The following LMO7 variants were observed in gnomAD, a reference collection of about 807,000 sequenced individuals.
The protein encoded by LMO7 is LIM domain 7.
A neutral mutation model predicts 206.5 loss-of-function variants in LMO7; 120 were observed. The ratio of observed to expected loss-of-function variants is 0.58; its 90% CI spans 0.50 to 0.68. LMO7 has a LOEUF of 0.68. Ranked by LOEUF, LMO7 falls within the 30% of genes least tolerant of loss-of-function variation. The pLI, the probability that LMO7 is intolerant of heterozygous loss-of-function variation, is 0.00. For missense variants in LMO7, 1,959 were observed against 1,957.9 expected (o/e 1.00, Z -0.01); for synonymous variants, 706 against 681.5 (o/e 1.04, Z -0.56).
At chr13:75,708,165 C>T (rs2042799445) in intron 1 of LMO7, among the ~76,000 whole-genome samples, 1 of 152,180 alleles carries the variant, frequency 6.6e-6, no homozygotes, top group South Asian at 2.1e-4. Flanking sequence ...ATTTCAGCCA[C>T]TACAAACTAA....
At chr13:75,774,135 C>A (rs937684778) in intron 4 of LMO7, among the ~76,000 whole-genome samples, 1 of 152,006 alleles carries the variant, frequency 6.6e-6, no homozygotes, top group African/African-American at 2.4e-5. Context: ...ATTTTGTTTA[C>A]AGCTTGAGTT....
chr13:75,745,832 A>G (rs2139298498), intron 3 of LMO7, among the ~76,000 whole-genome samples: 1 of 152,276 alleles, frequency 6.6e-6, no homozygotes, highest in Non-Finnish European at 1.5e-5. Context: ...CCAGACAGGA[A>G]CTCACATCAT....
chr13:75,816,027 G>T (rs2056949973), intron 11 of LMO7, among the ~76,000 whole-genome samples: 1 of 152,174 alleles, frequency 6.6e-6, no homozygotes, highest in Non-Finnish European at 1.5e-5. Flanking sequence ...GGCAATTGAA[G>T]TGCCTAGGGG....
intron 1 of LMO7, among the ~76,000 whole-genome samples, chr13:75,644,931 C>CAGAT (rs1409583375): frequency 6.6e-6 from 1 of 152,188 alleles, no homozygotes; most frequent in East Asian, 1.9e-4. Flanking sequence ...CATGCCCAGC[C>CAGAT]AGATGGACAC....
At chr13:75,809,220 GTTGT>G (rs746386576) in intron 11 of LMO7, 37 bp downstream of exon 11, 2 of 1,574,104 alleles carry the variant, frequency 1.3e-6, no homozygotes, top group Admixed American at 1.7e-5. Flanking sequence ...ATCTGTGCGT[GTTGT>G]TTGTTCTTTG....
chr13:75,808,080 A>T lies in LMO7; in HGVS notation c.1797A>T (p.Gly599=), dbSNP rs753994039. 6.2e-7 allele frequency: 1 copy of T among 1,613,946 alleles called. No homozygotes were observed. Among genetic ancestry groups the T allele is most frequent in the East Asian group, 2.2e-5 (1 of 44,864 alleles). ...LTRKIQSWKL[G]TTVPPISFTP... is the part of the protein sequence containing the mutation. ...GTAAGATTCAGTCCTGGAAACTGGGAACTACCGTGCCTCCCATCAGTTTCA... is the reference window on the plus strand; with the variant it reads ...GTAAGATTCAGTCCTGGAAACTGGGTACTACCGTGCCTCCCATCAGTTTCA... The change falls in exon 10 of 31, where the codon GGA becomes GGT. Residue 599 remains glycine (G), a synonymous_variant. Coordinates refer to ENST00000377534, the MANE Select transcript of LMO7 (RefSeq NM_001306080.2).
intron 1 of LMO7, among the ~76,000 whole-genome samples, chr13:75,709,804 T>G (rs1248954822): frequency 6.6e-6 from 1 of 151,658 alleles, no homozygotes; most frequent in Non-Finnish European, 1.5e-5. Flanking sequence ...TTAGTTTAAT[T>G]AGATCCCATT....
intron 1 of LMO7, among the ~76,000 whole-genome samples, chr13:75,712,092 G>C (rs556085283): frequency 9.2e-5 from 14 of 152,194 alleles, no homozygotes; most frequent in Non-Finnish European, 1.9e-4. Flanking sequence ...GAGAGATGCA[G>C]AATGAAGATA....
At chr13:75,843,202 G>C (rs1254654562) in intron 25 of LMO7, among the ~76,000 whole-genome samples, 25 of 152,210 alleles carry the variant, frequency 1.6e-4, no homozygotes, top group Non-Finnish European at 1.5e-5. Flanking sequence ...TATTAACTAG[G>C]CAGCTCTGCT....
chr13:75,827,673 G>A (rs2058255518), intron 15 of LMO7, among the ~76,000 whole-genome samples: 1 of 152,178 alleles, frequency 6.6e-6, no homozygotes, highest in African/African-American at 2.4e-5. Flanking sequence ...CTGCCATGCA[G>A]ATGTGGTTTT....
intron 2 of LMO7, among the ~76,000 whole-genome samples, chr13:75,717,000 C>A (rs1477995487): frequency 6.6e-6 from 1 of 151,142 alleles, no homozygotes. Flanking sequence ...CTGGAATGAT[C>A]CCAAGTCTCT....
intron 11 of LMO7, among the ~76,000 whole-genome samples, chr13:75,814,047 A>T (rs1377924930): frequency 6.6e-6 from 1 of 152,172 alleles, no homozygotes; most frequent in Non-Finnish European, 1.5e-5. Context: ...CACACAAATC[A>T]GCTTTATAAG....
chr13:75,714,078 C>T (rs1370606078), intron 2 of LMO7, among the ~76,000 whole-genome samples: 1 of 152,110 alleles, frequency 6.6e-6, no homozygotes, highest in Non-Finnish European at 1.5e-5. Flanking sequence ...GCTATCTGTC[C>T]ACATGTAAGC....
At chr13:75,682,529 T>C (rs1418123972) in intron 1 of LMO7, among the ~76,000 whole-genome samples, 2 of 152,304 alleles carry the variant, frequency 1.3e-5, no homozygotes, top group African/African-American at 4.8e-5. Context: ...ATGGTATACA[T>C]GGGCTTTCTT....
At chr13:75,799,592 A>G (rs2054477176) in intron 6 of LMO7, among the ~76,000 whole-genome samples, 1 of 152,220 alleles carries the variant, frequency 6.6e-6, no homozygotes, top group Non-Finnish European at 1.5e-5. Context: ...GTCTCCAGCT[A>G]CTTTTCACAG....
chr13:75,832,891 G>A (rs1463567172), intron 15 of LMO7, among the ~76,000 whole-genome samples, 160 bp from the exon 16 acceptor site: 1 of 152,118 alleles, frequency 6.6e-6, no homozygotes, highest in Non-Finnish European at 1.5e-5. Context: ...TTATATAAAT[G>A]AAAGTTTTAC....
chr13:75,785,661 T>A (rs1467386403), intron 4 of LMO7, among the ~76,000 whole-genome samples: 1 of 152,202 alleles, frequency 6.6e-6, no homozygotes, highest in Non-Finnish European at 1.5e-5. Context: ...CTAGTATGTG[T>A]ATTCAAGAGG....
intron 26 of LMO7, among the ~76,000 whole-genome samples, chr13:75,848,823 G>A (rs1400642115): frequency 6.6e-6 from 1 of 152,178 alleles, no homozygotes; most frequent in Non-Finnish European, 1.5e-5. Flanking sequence ...AGTTCTTTCA[G>A]GAAGCTACAC....
At chr13:75,639,955 G>T (rs1438343930) in intron 1 of LMO7, among the ~76,000 whole-genome samples, 1 of 152,158 alleles carries the variant, frequency 6.6e-6, no homozygotes, top group East Asian at 1.9e-4. Context: ...ACTAGAATAT[G>T]AGTCCTTCCT....
Sources: allele counts gnomAD v4.1 joint callset (sites outside exome capture counted in the v4.1 genomes callset), GRCh38; gene constraint gnomAD v4.1.1; transcripts MANE v1.5; gene names NCBI Gene and HGNC (gene_info 2026-07-23, HGNC 2026-07-21).